Variants in PCDHA2 observed in about 807,000 individuals in gnomAD.
The protein encoded by PCDHA2 is protocadherin alpha 2.
PCDHA2 carries 58 observed loss-of-function variants against 66.0 expected under a neutral mutation model. The observed-to-expected ratio is 0.88, with a 90% CI of 0.71 to 1.09. PCDHA2 has a LOEUF of 1.09. Among genes scored for constraint, PCDHA2 ranks in the 50% least tolerant of loss-of-function variants. The probability of loss-of-function intolerance (pLI) is 0.00; values close to 1 mark genes in which losing one functional copy is unlikely to be tolerated. For missense variants in PCDHA2, 1,267 were observed against 1,242.3 expected, an observed-to-expected ratio of 1.02 and a Z score of -0.30; for synonymous variants, 634 against 554.0, an observed-to-expected ratio of 1.14 and a Z score of -2.03.
intron 1 of PCDHA2, chr5:140,829,365 T>C: frequency 6.2e-7 from 1 of 1,614,230 alleles, no homozygotes; most frequent in Non-Finnish European, 8.5e-7. Context: ...GAGTTGGTGG[T>C]AACCGCGCGG....
intron 1 of PCDHA2, chr5:140,875,795 T>C (rs782073142): frequency 1.2e-6 from 2 of 1,613,786 alleles, no homozygotes. Context: ...CACCTGGAGG[T>C]GATCGTGGAC....
rs184181976 is a variant in PCDHA2, at chr5:141,009,882, A to C, written c.2792A>C (p.Lys931Thr). Reference protein sequence around the residue: ...KKKKKKKKGNKTQEKKEKGNS... With the variant: ...KKKKKKKKGNTTQEKKEKGNS... Reference sequence around the variant, plus strand: ...AAGAAGAAAAAGAAGAAGGGTAACAAGACCCAGGAGAAAAAAGAGAAAGGG... The same window carrying C: ...AAGAAGAAAAAGAAGAAGGGTAACACGACCCAGGAGAAAAAAGAGAAAGGG... The change falls in exon 4 of 4, where the codon AAG becomes ACG. Residue 931 changes from lysine (K) to threonine (T), a missense_variant. Physicochemically the swap from Lys to Thr is moderately conservative, Grantham distance 78. Transcript: ENST00000526136. 6.2e-7 allele frequency: 1 copy of C among 1,613,488 alleles called. No homozygotes were observed. Among genetic ancestry groups the C allele is most frequent in the Non-Finnish European group, 8.5e-7 (1 of 1,179,914 alleles).
chr5:140,928,231 C>T (rs2085058715), intron 1 of PCDHA2: 2 of 1,614,108 alleles, frequency 1.2e-6, no homozygotes, highest in South Asian at 2.2e-5. Context: ...AAACTTTCCT[C>T]AACCCCAGCA....
intron 1 of PCDHA2, chr5:140,830,251 G>T (rs1554132671): frequency 1.2e-6 from 2 of 1,613,772 alleles, no homozygotes; most frequent in Admixed American, 1.7e-5. Flanking sequence ...TGTACACAGC[G>T]CTGCGGTGCT....
chr5:140,938,616 A>G (rs1366566018), intron 1 of PCDHA2, among the ~76,000 whole-genome samples: 1 of 152,130 alleles, frequency 6.6e-6, no homozygotes, highest in Non-Finnish European at 1.5e-5. Flanking sequence ...TCTTGGAATA[A>G]ACTCAGGTTG....
chr5:140,802,179 C>A (rs146951816), intron 1 of PCDHA2: 3 of 1,614,140 alleles, frequency 1.9e-6, no homozygotes, highest in Non-Finnish European at 8.5e-7. Flanking sequence ...TAAAGGAAAT[C>A]CCCCAATGTC....
intron 1 of PCDHA2, chr5:140,802,518 G>C (rs577444100): frequency 1.9e-6 from 3 of 1,614,016 alleles, no homozygotes; most frequent in South Asian, 2.2e-5. Flanking sequence ...CACGGCCAGC[G>C]TGTCCGTGGA....
At chr5:140,822,370 TTAGA>T in intron 1 of PCDHA2, 2 of 1,614,126 alleles carry the variant, frequency 1.2e-6, no homozygotes, top group Non-Finnish European at 1.7e-6. Context: ...GAGGAAATCC[TTAGA>T]TAGAGAAGAA....
At chr5:140,981,380 C>T (rs2096929731) in intron 2 of PCDHA2, among the ~76,000 whole-genome samples, 1 of 152,054 alleles carries the variant, frequency 6.6e-6, no homozygotes, top group Non-Finnish European at 1.5e-5. Flanking sequence ...TCAAGACCAG[C>T]CTGGTCAATA....
chr5:140,895,413 C>T (rs141941836), intron 1 of PCDHA2, among the ~76,000 whole-genome samples: 52 of 152,240 alleles, frequency 3.4e-4, no homozygotes, highest in African/African-American at 1.0e-3. Flanking sequence ...GCCCCATAAC[C>T]TTCTTTTGCT....
chr5:140,887,361 G>T (rs2061424710), intron 1 of PCDHA2, among the ~76,000 whole-genome samples: 1 of 152,144 alleles, frequency 6.6e-6, no homozygotes, highest in South Asian at 2.1e-4. Flanking sequence ...CTCCCAAAGT[G>T]CTGGGATTAC....
intron 1 of PCDHA2, among the ~76,000 whole-genome samples, chr5:140,948,536 C>T (rs2094269261): frequency 6.6e-6 from 1 of 151,548 alleles, no homozygotes; most frequent in Admixed American, 6.6e-5. Context: ...TATTTTATTT[C>T]ATGCTCTGTC....
At chr5:140,944,678 A>G (rs1483326984) in intron 1 of PCDHA2, among the ~76,000 whole-genome samples, 4 of 152,162 alleles carry the variant, frequency 2.6e-5, no homozygotes, top group African/African-American at 9.7e-5. Context: ...TATTCTGTGT[A>G]TCCTATTAAT....
chr5:140,828,113 A>G (rs1769535465), intron 1 of PCDHA2: 1 of 1,611,760 alleles, frequency 6.2e-7, no homozygotes, highest in Non-Finnish European at 8.5e-7. Flanking sequence ...CCCGGAGGAT[A>G]GATTGGGAAA....
intron 1 of PCDHA2, among the ~76,000 whole-genome samples, chr5:140,961,406 G>C (rs1046743232): frequency 4.6e-5 from 7 of 152,008 alleles, no homozygotes; most frequent in Non-Finnish European, 1.0e-4. Flanking sequence ...AACACTTTTT[G>C]GCATGTTATT....
chr5:140,971,295 G>C (rs2096467939), intron 1 of PCDHA2, among the ~76,000 whole-genome samples: 2 of 152,232 alleles, frequency 1.3e-5, no homozygotes, highest in South Asian at 4.1e-4. Flanking sequence ...TATGTACTTT[G>C]GTACACAAAC....
At chr5:140,876,848 A>C (rs1562720449) in intron 1 of PCDHA2, 8 of 1,614,064 alleles carry the variant, frequency 5.0e-6, no homozygotes, top group Non-Finnish European at 5.1e-6. Flanking sequence ...GCGCAGCCCG[A>C]GTACACAGTG....
intron 1 of PCDHA2, chr5:140,927,638 G>A (rs781909639): frequency 1.2e-6 from 2 of 1,614,142 alleles, no homozygotes; most frequent in Admixed American, 1.7e-5. Context: ...GCACCCAATG[G>A]GACTGTGTTA....
intron 1 of PCDHA2, chr5:140,856,666 G>C: frequency 1.3e-6 from 2 of 1,598,010 alleles, no homozygotes; most frequent in South Asian, 2.2e-5. Flanking sequence ...AAAATCCTCA[G>C]CTAAAGTTGT....
Sources: allele counts gnomAD v4.1 joint callset (sites outside exome capture counted in the v4.1 genomes callset), GRCh38; gene constraint gnomAD v4.1.1; transcripts MANE v1.5; gene names NCBI Gene and HGNC (gene_info 2026-07-23, HGNC 2026-07-21).